MGMT: variants seen among roughly 807,000 people sequenced by gnomAD.
MGMT encodes the protein methylated-DNA--protein-cysteine methyltransferase.
Under a neutral mutation model 15.9 loss-of-function variants are expected in MGMT, and 14 were observed. The observed-to-expected ratio is 0.88, with a 90% confidence interval of 0.58 to 1.37. The LOEUF (loss-of-function observed/expected upper bound fraction) is 1.37, where lower values mean the gene tolerates loss of function less well. Ranked by LOEUF, MGMT falls within the 40% of genes most tolerant of loss-of-function variation. The probability of loss-of-function intolerance (pLI) is 0.00; values close to 1 mark genes in which losing one functional copy is unlikely to be tolerated. For synonymous variants in MGMT, 130 were observed against 118.2 expected, an observed-to-expected ratio of 1.10 and a Z score of -0.65; for missense variants, 282 against 268.1, an observed-to-expected ratio of 1.05 and a Z score of -0.36.
intron 1 of MGMT, among the ~76,000 whole-genome samples, chr10:129,495,931 C>T (rs1026637198): frequency 2.6e-5 from 4 of 152,150 alleles, no homozygotes; most frequent in African/African-American, 9.7e-5. Flanking sequence ...CAGCAGGCTG[C>T]GGATGGATGG....
At chr10:129,468,014 T>G (rs1375633343) in intron 1 of MGMT, among the ~76,000 whole-genome samples, 4 of 152,210 alleles carry the variant, frequency 2.6e-5, no homozygotes, top group Admixed American at 2.6e-4. Flanking sequence ...TACATGTGTG[T>G]GCAACCTATG....
At chr10:129,468,337 T>C (rs938362819) in intron 1 of MGMT, among the ~76,000 whole-genome samples, 10 of 152,062 alleles carry the variant, frequency 6.6e-5, no homozygotes, top group Non-Finnish European at 1.0e-4. Context: ...GGAAACCGCG[T>C]CAAGAGCCTG....
chr10:129,629,854 C>G (rs1050750247), intron 2 of MGMT, among the ~76,000 whole-genome samples: 1 of 152,096 alleles, frequency 6.6e-6, no homozygotes, highest in African/African-American at 2.4e-5. Context: ...ATAACCCAAC[C>G]CATCCCTCCT....
intron 2 of MGMT, among the ~76,000 whole-genome samples, chr10:129,542,413 G>A (rs919183258): frequency 1.3e-5 from 2 of 152,102 alleles, no homozygotes; most frequent in African/African-American, 4.8e-5. Context: ...TGACAGATTG[G>A]GAAATTAATA....
At chr10:129,567,181 G>A (rs1004015365) in intron 2 of MGMT, among the ~76,000 whole-genome samples, 3 of 152,124 alleles carry the variant, frequency 2.0e-5, no homozygotes, top group African/African-American at 4.8e-5. Context: ...CAGCCCGTGC[G>A]GGTGGTCATC....
At chr10:129,588,268 G>A (rs780850743) in intron 2 of MGMT, among the ~76,000 whole-genome samples, 8 of 152,152 alleles carry the variant, frequency 5.3e-5, no homozygotes, top group South Asian at 2.1e-4. Flanking sequence ...GGTTTCACCC[G>A]GAGAAACCCT....
rs909950212 is a variant in MGMT, at chr10:129,581,126, C to G, written c.125+44749C>G. Among the ~76,000 whole-genome samples the G allele has an allele frequency of 5.9e-5, 9 of 152,204 alleles. 1 individual carries two copies. The highest frequency in any genetic ancestry group is 1.2e-4 in the Non-Finnish European group (8 of 68,036). On this transcript the variant is annotated intron_variant, in intron 2 of 4. Transcript: ENST00000651593. ...AGCTGCGTTGGTGGATAATTGTTAACGGTGCAGCTGCAGTGTGAGTTGCAC... is the reference window on the plus strand; with the variant it reads ...AGCTGCGTTGGTGGATAATTGTTAAGGGTGCAGCTGCAGTGTGAGTTGCAC...
intron 2 of MGMT, among the ~76,000 whole-genome samples, chr10:129,652,792 C>T (rs1048306042): frequency 3.9e-5 from 6 of 152,238 alleles, no homozygotes; most frequent in African/African-American, 9.6e-5. Context: ...CCATGCAGGG[C>T]GCACCCACGG....
Position 129,767,110 on chromosome 10 carries a change from G to A in MGMT, c.*113G>A, listed in dbSNP as rs1361912592. 20 of 896,286 alleles carry A rather than the reference G, an allele frequency of 2.2e-5. No homozygotes were observed. The highest frequency in any genetic ancestry group is 5.5e-5 in the East Asian group (2 of 36,390). The allele number at this position is 896,286 out of a possible 1,614,324, so 55.5% of individuals were successfully genotyped here. ...AAGTGGCAGTGTCCTGGGAACAAGC[G>A]TGTCTGCCCTTTCTGTTTCCATATT... On this transcript the variant is annotated 3_prime_UTR_variant, in exon 5 of 5. Transcript: ENST00000651593.
chr10:129,695,344 T>C (rs1848017857), intron 2 of MGMT, among the ~76,000 whole-genome samples: 2 of 152,230 alleles, frequency 1.3e-5, no homozygotes, highest in African/African-American at 4.8e-5. Flanking sequence ...TGTTTCATAA[T>C]AGGGAACTAT....
intron 2 of MGMT, among the ~76,000 whole-genome samples, chr10:129,692,136 G>A (rs534152024): frequency 2.6e-5 from 4 of 152,304 alleles, no homozygotes; most frequent in African/African-American, 7.2e-5. Context: ...CAAATATATG[G>A]TCTGAGGTGG....
chr10:129,657,674 AACACACACACACACACACAC>A (rs60284981), intron 2 of MGMT, among the ~76,000 whole-genome samples: 2 of 93,510 alleles, frequency 2.1e-5, no homozygotes, highest in African/African-American at 3.6e-5. Flanking sequence ...CAGCTCCTCC[AACACACACACACACACACAC>A]ACACACACAC....
chr10:129,712,014 G>C (rs372497126), intron 3 of MGMT, among the ~76,000 whole-genome samples: 3 of 152,314 alleles, frequency 2.0e-5, no homozygotes, highest in East Asian at 3.9e-4. Flanking sequence ...GCAGCTACAA[G>C]AAATCCTTTC....
Position 129,661,583 on chromosome 10 carries a change from C to A in MGMT, c.126-46312C>A, listed in dbSNP as rs76262739. 5.1e-3 allele frequency among the ~76,000 whole-genome samples: 779 copies of A among 151,994 alleles called. 10 individuals carry two copies. Among genetic ancestry groups the A allele is most frequent in the African/African-American group, 0.018 (757 of 41,484 alleles). On this transcript the variant is annotated intron_variant, in intron 2 of 4. Transcript: ENST00000651593. ...TATTCTTTGCTTTTTTCGATTGTTT[C>A]TTTTAGTAACTCTGCAGTATGGCTA...
chr10:129,502,159 C>T (rs1050345179), intron 1 of MGMT, among the ~76,000 whole-genome samples: 5 of 152,176 alleles, frequency 3.3e-5, no homozygotes, highest in Non-Finnish European at 4.4e-5. Flanking sequence ...TGTCTATGTC[C>T]TGGAGCTTGG....
chr10:129,528,807 G>A (rs2119743434), intron 1 of MGMT, among the ~76,000 whole-genome samples: 1 of 152,272 alleles, frequency 6.6e-6, no homozygotes, highest in Admixed American at 6.5e-5. Flanking sequence ...AGGAAGGAAG[G>A]GTAGGGGATG....
intron 1 of MGMT, among the ~76,000 whole-genome samples, chr10:129,488,004 TACACACACACACACACACACAC>T (rs373298935): frequency 8.2e-6 from 1 of 121,428 alleles, no homozygotes; most frequent in Non-Finnish European, 1.7e-5. Flanking sequence ...CACATAGGTA[TACACACACACACACACACACAC>T]ACACACACAC....
chr10:129,694,488 G>A (rs186543385), intron 2 of MGMT, among the ~76,000 whole-genome samples: 97 of 152,314 alleles, frequency 6.4e-4, no homozygotes, highest in Middle Eastern at 6.8e-3. Flanking sequence ...GAGGAAAAAG[G>A]CATACAAAAT....
chr10:129,596,086 C>T (rs994394081), intron 2 of MGMT, among the ~76,000 whole-genome samples: 20 of 150,376 alleles, frequency 1.3e-4, no homozygotes, highest in Non-Finnish European at 1.3e-4. Context: ...GCTTACTTCC[C>T]CCTGCCCCGC....
Sources: allele counts gnomAD v4.1 joint callset (sites outside exome capture counted in the v4.1 genomes callset), GRCh38; gene constraint gnomAD v4.1.1; transcripts MANE v1.5; gene names NCBI Gene and HGNC (gene_info 2026-07-23, HGNC 2026-07-21).